ABTB3: variants seen among roughly 807,000 people sequenced by gnomAD.
The protein encoded by ABTB3 is ankyrin repeat and BTB domain containing 3, also known as ankyrin repeat- and BTB/POZ domain-containing protein 3.
chr12:107,410,187 G>A, the ABTB3 span, among the ~76,000 whole-genome samples: 2 of 142,976 alleles, frequency 1.4e-5, no homozygotes, highest in Non-Finnish European at 3.0e-5. Context: ...TGCCCAGCAC[G>A]CAAACTTTGT....
At chr12:107,387,660 T>A in the ABTB3 span, among the ~76,000 whole-genome samples, 2 of 152,206 alleles carry the variant, frequency 1.3e-5, no homozygotes, top group African/African-American at 4.8e-5. Flanking sequence ...CTTAAAGCAA[T>A]TGCTCTGTGC....
chr12:107,592,990 G>C, the ABTB3 span, among the ~76,000 whole-genome samples: 4 of 152,328 alleles, frequency 2.6e-5, no homozygotes, highest in African/African-American at 9.6e-5. Flanking sequence ...TCTGGGATAT[G>C]AATATGCATT....
At chr12:107,594,689 G>A in the ABTB3 span, among the ~76,000 whole-genome samples, 1 of 151,994 alleles carries the variant, frequency 6.6e-6, no homozygotes, top group Non-Finnish European at 1.5e-5. Context: ...TTTGACTATG[G>A]CATTCTTGGG....
the ABTB3 span, among the ~76,000 whole-genome samples, chr12:107,503,805 A>G: frequency 4.0e-5 from 6 of 151,012 alleles, no homozygotes; most frequent in Non-Finnish European, 8.9e-5. Context: ...AGAAAAAGAG[A>G]ACTGGTTAAT....
At chr12:107,319,353 G>C in the ABTB3 span, 6 of 1,558,082 alleles carry the variant, frequency 3.9e-6, no homozygotes, top group Non-Finnish European at 5.2e-6. Flanking sequence ...CTGGTGAGCC[G>C]GGCGCTGGTG....
chr12:107,490,087 G>T, the ABTB3 span, among the ~76,000 whole-genome samples: 1 of 152,186 alleles, frequency 6.6e-6, no homozygotes, highest in Non-Finnish European at 1.5e-5. Flanking sequence ...CTCATAGGTG[G>T]ATCTCTGTCC....
At chr12:107,447,468 C>A in the ABTB3 span, among the ~76,000 whole-genome samples, 7 of 152,152 alleles carry the variant, frequency 4.6e-5, no homozygotes, top group African/African-American at 1.7e-4. Context: ...CTCCTGTCCC[C>A]CTTCCAGCCC....
the ABTB3 span, among the ~76,000 whole-genome samples, chr12:107,540,706 G>T: frequency 6.6e-6 from 1 of 152,206 alleles, no homozygotes; most frequent in East Asian, 1.9e-4. Flanking sequence ...GCTTGTGGCT[G>T]GGTGCTGTGG....
At chr12:107,618,932 G>A in the ABTB3 span, among the ~76,000 whole-genome samples, 2 of 152,138 alleles carry the variant, frequency 1.3e-5, no homozygotes, top group Non-Finnish European at 2.9e-5. Context: ...AGGAAGGTTG[G>A]GCTGGCTCTT....
the ABTB3 span, among the ~76,000 whole-genome samples, chr12:107,547,371 G>A: frequency 1.3e-5 from 2 of 152,180 alleles, no homozygotes; most frequent in Admixed American, 6.5e-5. Flanking sequence ...CTCCTGCTCA[G>A]CACAGTTGCC....
At chr12:107,445,245 G>A in the ABTB3 span, among the ~76,000 whole-genome samples, 5 of 152,172 alleles carry the variant, frequency 3.3e-5, no homozygotes, top group Non-Finnish European at 7.3e-5. Flanking sequence ...AAGGCACTAA[G>A]CTAGGCCCTG....
chr12:107,599,467 C>G, the ABTB3 span, among the ~76,000 whole-genome samples: 4 of 152,218 alleles, frequency 2.6e-5, no homozygotes, highest in African/African-American at 9.6e-5. Context: ...TCCTGAGTAT[C>G]CAGACAAGTG....
chr12:107,618,251 G>A, the ABTB3 span: 149 of 1,613,806 alleles, frequency 9.2e-5, 1 homozygote, highest in East Asian at 2.4e-3. Context: ...CTGACCTGGC[G>A]GAGACAGCCC....
the ABTB3 span, among the ~76,000 whole-genome samples, chr12:107,564,181 G>A: frequency 6.7e-6 from 1 of 149,042 alleles, no homozygotes; most frequent in Non-Finnish European, 1.5e-5. Flanking sequence ...CTTAGGGTTG[G>A]GAGGGGCTCT....
chr12:107,335,135 G>A, the ABTB3 span, among the ~76,000 whole-genome samples: 1,408 of 151,582 alleles, frequency 9.3e-3, 20 homozygotes, highest in African/African-American at 0.032. Flanking sequence ...AAAATGTAAA[G>A]AGTCAGCTGA....
the ABTB3 span, chr12:107,486,735 C>CAAAAAAA: frequency 2.0e-5 from 1 of 50,258 alleles, no homozygotes; most frequent in African/African-American, 6.2e-5. Context: ...TCTTAATAGC[C>CAAAAAAA]AAAAAAAAAA....
the ABTB3 span, among the ~76,000 whole-genome samples, chr12:107,593,558 T>C: frequency 6.6e-6 from 1 of 152,230 alleles, no homozygotes; most frequent in African/African-American, 2.4e-5. Context: ...AGCATATACT[T>C]AGCACTTCAC....
At chr12:107,452,875 A>G in the ABTB3 span, among the ~76,000 whole-genome samples, 3 of 152,170 alleles carry the variant, frequency 2.0e-5, no homozygotes, top group Non-Finnish European at 4.4e-5. Flanking sequence ...AACAACAAAA[A>G]TTTAGAAAAC....
chr12:107,432,076 T>C, the ABTB3 span, among the ~76,000 whole-genome samples: 2 of 152,328 alleles, frequency 1.3e-5, no homozygotes, highest in South Asian at 2.1e-4. Flanking sequence ...GTGGTTATGT[T>C]GTCCAGCCCA....
Sources: gnomAD v4.1 joint callset for allele counts (sites outside exome capture counted in the v4.1 genomes callset) on GRCh38, gnomAD v4.1.1 for gene constraint, MANE v1.5 for transcripts, NCBI Gene and HGNC (gene_info 2026-07-23, HGNC 2026-07-21) for gene names.